Variants in FAT4 observed in about 807,000 individuals in gnomAD.
FAT4 encodes the protein FAT atypical cadherin 4.
FAT4 carries 84 observed loss-of-function variants against 303.9 expected under a neutral mutation model. The observed-to-expected ratio is 0.28, with a 90% CI of 0.23 to 0.33. The LOEUF (loss-of-function observed/expected upper bound fraction) is 0.33, where lower values mean the gene tolerates loss of function less well. Ranked by LOEUF, FAT4 falls within the 10% of genes least tolerant of loss-of-function variation. The probability of loss-of-function intolerance (pLI) is 1.00; values close to 1 mark genes in which losing one functional copy is unlikely to be tolerated. For synonymous variants in FAT4, 2,307 were observed against 2,298.8 expected, an observed-to-expected ratio of 1.00 and a Z score of -0.10; for missense variants, 6,005 against 6,146.8, an observed-to-expected ratio of 0.98 and a Z score of 0.77.
chr4:125,439,335 CTTT>C (rs748291081), intron 8 of FAT4, among the ~76,000 whole-genome samples: 4 of 139,988 alleles, frequency 2.9e-5, no homozygotes, highest in Admixed American at 7.2e-5. Flanking sequence ...GATTTCTTTT[CTTT>C]TTTTTTTTTT....
Position 125,490,551 on chromosome 4 carries a change from G to T in FAT4, c.13735G>T (p.Gly4579Trp), listed in dbSNP as rs767124143. ...DDMTVRKQPE[G>W]NPKPDIIERE... ...CATGACTGTGAGGAAGCAGCCTGAA[G>T]GGAACCCAAAACCAGATATCATTGA... is the stretch of plus-strand genomic sequence containing the variant. Residue 4579 changes from glycine (G) to tryptophan (W), a missense_variant, in exon 18 of 18, where the codon GGG becomes TGG. Gly to Trp is a radical substitution (Grantham distance 184). Transcript: ENST00000394329. 1 of 1,614,070 alleles carries T rather than the reference G, an allele frequency of 6.2e-7. No homozygotes were observed. The highest frequency in any genetic ancestry group is 8.5e-7 in the Non-Finnish European group (1 of 1,180,014).
intron 2 of FAT4, among the ~76,000 whole-genome samples, chr4:125,384,898 A>C (rs2126001509): frequency 6.6e-6 from 1 of 151,580 alleles, no homozygotes; most frequent in African/African-American, 2.4e-5. Context: ...CTTTTCAATA[A>C]GTAAATTTAA....
At chr4:125,387,514 A>C (rs1262142387) in intron 2 of FAT4, among the ~76,000 whole-genome samples, 1 of 152,130 alleles carries the variant, frequency 6.6e-6, no homozygotes, top group African/African-American at 2.4e-5. Flanking sequence ...TTCTTAAAAA[A>C]ACACAATCTG....
chr4:125,458,399 T>C (rs1453907472), intron 10 of FAT4, among the ~76,000 whole-genome samples: 1 of 152,002 alleles, frequency 6.6e-6, no homozygotes, highest in Admixed American at 6.6e-5. Flanking sequence ...GTGATTCTTT[T>C]AAAATTACTA....
chr4:125,452,104 C>T lies in FAT4; in HGVS notation c.11094C>T (p.Asn3698=), dbSNP rs757356064. 6 of 1,614,172 alleles carry T rather than the reference C, an allele frequency of 3.7e-6. No homozygotes were observed. The South Asian group carries it at 4.4e-5, about 12-fold the overall frequency. Residue 3698 remains asparagine, a synonymous_variant, in exon 10 of 18, where the codon AAC becomes AAT. Coordinates refer to ENST00000394329, the MANE Select transcript of FAT4 (RefSeq NM_001291303.3). ...NDGVHSTVTS[N]IRVFFAGFSN... is the part of the protein sequence containing the mutation. ...GAGTTCACAGCACAGTCACGAGCAA[C>T]ATCCGAGTTTTCTTTGCTGGATTTT...
chr4:125,463,385 T>G (rs529124091), intron 10 of FAT4, among the ~76,000 whole-genome samples, 178 bp from the exon 11 acceptor site: 2 of 152,072 alleles, frequency 1.3e-5, no homozygotes, highest in African/African-American at 4.8e-5. Flanking sequence ...ATAGGACAAC[T>G]AAACAAGATT....
chr4:125,413,750 T>C (rs1487469067), intron 5 of FAT4, among the ~76,000 whole-genome samples: 3 of 151,294 alleles, frequency 2.0e-5, no homozygotes, highest in Non-Finnish European at 3.0e-5. Flanking sequence ...TGAGAAAGAA[T>C]TTTTTTAAAG....
At chr4:125,369,806 C>G (rs1272010820) in intron 2 of FAT4, among the ~76,000 whole-genome samples, 3 of 152,160 alleles carry the variant, frequency 2.0e-5, no homozygotes, top group African/African-American at 7.2e-5. Context: ...CAGGCCACCA[C>G]TGTTCTGCTT....
intron 2 of FAT4, among the ~76,000 whole-genome samples, chr4:125,342,888 C>T (rs1393781258): frequency 2.0e-5 from 3 of 151,896 alleles, no homozygotes; most frequent in Non-Finnish European, 4.4e-5. Flanking sequence ...GAGAAATATT[C>T]CATCCAATGT....
chr4:125,333,317 C>A (rs1408023968), intron 2 of FAT4, among the ~76,000 whole-genome samples: 3 of 151,922 alleles, frequency 2.0e-5, no homozygotes, highest in Non-Finnish European at 2.9e-5. Context: ...AGAATTCGTC[C>A]CACAGATGCT....
intron 10 of FAT4, among the ~76,000 whole-genome samples, chr4:125,457,153 A>ACC (rs1267365662): frequency 5.6e-5 from 5 of 88,570 alleles, no homozygotes; most frequent in East Asian, 2.5e-4. Context: ...ACACACACAC[A>ACC]CACCACTGAG....
intron 2 of FAT4, among the ~76,000 whole-genome samples, chr4:125,375,558 A>G (rs537692670): frequency 1.9e-4 from 29 of 152,308 alleles, no homozygotes; most frequent in Admixed American, 3.9e-4. Flanking sequence ...TGAAAATTAT[A>G]TCCAGTGATT....
chr4:125,451,909 G>A lies in FAT4; in HGVS notation c.10899G>A (p.Gly3633=). 2 of 1,614,042 alleles carry A rather than the reference G, an allele frequency of 1.2e-6. No individual in the cohort carries two copies. The highest frequency in any genetic ancestry group is 1.7e-6 in the Non-Finnish European group (2 of 1,180,002). ...VNYYGNLFPG[G]ILGSVKPQDP... is the part of the protein sequence containing the mutation. ...ATTATGGTAACTTGTTTCCCGGTGG[G>A]ATTTTAGGCTCTGTGAAGCCACAGG... Residue 3633 remains glycine, a synonymous_variant, in exon 10 of 18, where the codon GGG becomes GGA. Coordinates refer to ENST00000394329, the MANE Select transcript of FAT4 (RefSeq NM_001291303.3).
intron 8 of FAT4, among the ~76,000 whole-genome samples, chr4:125,445,159 C>G (rs1725783663): frequency 1.3e-5 from 2 of 152,050 alleles, no homozygotes. Context: ...ATTTCTCAAC[C>G]AAACCACTTC....
Position 125,319,057 on chromosome 4 carries a change from A to T in FAT4, c.2646A>T (p.Thr882=), listed in dbSNP as rs187912140. 2.5e-5 allele frequency: 41 copies of T among 1,614,202 alleles called. No homozygotes were observed. The Middle Eastern group carries it at 4.9e-4, about 19-fold the overall frequency. ...CTGGAGACACTATGGTTAACATAAC[A>T]GTTAAGGATTTGAATGACAACTCTC... ...TVTGDTMVNI[T]VKDLNDNSPH... The change falls in exon 2 of 18, where the codon ACA becomes ACT. Residue 882 remains threonine (T), a synonymous_variant. Coordinates refer to ENST00000394329, the MANE Select transcript of FAT4 (RefSeq NM_001291303.3).
chr4:125,481,678 C>A lies in FAT4; in HGVS notation c.12762C>A (p.Thr4254=). ...ACAGTCTGGAAGTAAAATTTAGGAC[C>A]AGAAGCGAGAATGGCGTTTTAATCC... ...GVNSLEVKFR[T]RSENGVLIHI... is the part of the protein sequence containing the mutation. Residue 4254 remains threonine, a synonymous_variant, in exon 16 of 18, where the codon ACC becomes ACA. Transcript: ENST00000394329. 6.2e-7 allele frequency: 1 copy of A among 1,613,960 alleles called. No individual in the cohort carries two copies. Among genetic ancestry groups the A allele is most frequent in the South Asian group, 1.1e-5 (1 of 91,080 alleles).
In FAT4 at chr4:125,415,693, A is replaced by G. The variant is rs771773517; in HGVS notation, c.6730A>G (p.Thr2244Ala). The part of the protein sequence containing the change: ...RGSTPRTDTS[T>A]VSIVLLDIND... ...CAGCACACCCAGAACTGATACCTCC[A>G]CGGTCAGCATTGTTCTACTGGATAT... The change falls in exon 6 of 18, where the codon ACG becomes GCG. Residue 2244 changes from threonine to alanine, a missense_variant. Transcript: ENST00000394329. 4 of 1,613,896 alleles carry G rather than the reference A, an allele frequency of 2.5e-6. No homozygotes were observed. The South Asian group carries it at 3.3e-5, about 13-fold the overall frequency.
rs57596046 is a variant in FAT4, at chr4:125,436,193, T to TG, written c.7199+1768_7199+1769insG. 4.3e-4 allele frequency among the ~76,000 whole-genome samples: 64 copies of TG among 148,692 alleles called. 1 individual carries two copies. Among genetic ancestry groups the TG allele is most frequent in the Middle Eastern group, 3.5e-3 (1 of 284 alleles). ...TACCCTAGAACTTAAAGTATAATAA[T>TG]AAAAAAAAAACAAAGAAATTGGACG... is the stretch of plus-strand genomic sequence containing the variant. On this transcript the variant is annotated intron_variant, in intron 8 of 17. Transcript: ENST00000394329.
intron 2 of FAT4, among the ~76,000 whole-genome samples, chr4:125,333,072 T>A (rs1014779423): frequency 6.6e-6 from 1 of 152,102 alleles, no homozygotes; most frequent in African/African-American, 2.4e-5. Context: ...AGATACAATA[T>A]TTAAATGAAT....
Sources: gnomAD v4.1 joint callset for allele counts (sites outside exome capture counted in the v4.1 genomes callset) on GRCh38, gnomAD v4.1.1 for gene constraint, MANE v1.5 for transcripts, NCBI Gene and HGNC (gene_info 2026-07-23, HGNC 2026-07-21) for gene names.